The following SEPTIN5 variants were observed in gnomAD, a reference collection of about 807,000 sequenced individuals.
SEPTIN5 encodes the protein septin-5.
SEPTIN5 carries 16 observed loss-of-function variants against 51.2 expected under a neutral mutation model. That is an observed-to-expected ratio of 0.31 (90% CI 0.21 to 0.47). The LOEUF (loss-of-function observed/expected upper bound fraction) is 0.47, where lower values mean the gene tolerates loss of function less well. Among genes scored for constraint, SEPTIN5 ranks in the 20% least tolerant of loss-of-function variants. The pLI is 0.99. For synonymous variants in SEPTIN5, 208 were observed against 191.2 expected (o/e 1.09, Z -0.72); for missense variants, 376 against 500.3 (o/e 0.75, Z 2.37).
chr22:19,720,266 T>C (rs541712911), intron 5 of SEPTIN5, 28 bp downstream of exon 5: 12 of 1,613,476 alleles, frequency 7.4e-6, no homozygotes, highest in South Asian at 2.2e-5. Context: ...AGAAAGGCCT[T>C]GCCTAGGCGG....
Position 19,722,554 on chromosome 22 carries a change from C to T in SEPTIN5, c.*70C>T, listed in dbSNP as rs998502722. 1.5e-5 allele frequency: 22 copies of T among 1,508,440 alleles called. No individual in the cohort carries two copies. The highest frequency in any genetic ancestry group is 1.9e-5 in the Non-Finnish European group (21 of 1,111,088). The allele number at this position is 1,508,440 out of a possible 1,614,324, so 93.4% of individuals were successfully genotyped here. A position where few individuals can be genotyped will look rare whatever the true frequency, so the allele number is the denominator to read the frequency against. On this transcript the variant is annotated 3_prime_UTR_variant, in exon 12 of 12. Coordinates refer to ENST00000455784, the MANE Select transcript of SEPTIN5 (RefSeq NM_002688.6). ...CCCTGGACACCAGACCGGACTGTTC[C>T]CGACCCGGAGACGCGGGGCCACAGC...
Position 19,720,881 on chromosome 22 carries a change from G to A in SEPTIN5, c.717+12G>A, listed in dbSNP as rs781517511. The stretch of plus-strand genomic sequence containing the variant: ...ACCGGGAACTGAAGGTGAACATGCA[G>A]ACTGGTGGGGCAGGGGGGATGGAGC... On this transcript the variant is annotated intron_variant, in intron 8 of 11. Coordinates refer to ENST00000455784, the MANE Select transcript of SEPTIN5 (RefSeq NM_002688.6). The A allele has an allele frequency of 1.2e-6, 2 of 1,609,128 alleles. No individual in the cohort carries two copies. Among genetic ancestry groups the A allele is most frequent in the Non-Finnish European group, 1.7e-6 (2 of 1,175,902 alleles).
In SEPTIN5 at chr22:19,720,680, C is replaced by G. The variant is rs758667080; in HGVS notation, c.615+14C>G. 1.2e-6 allele frequency: 2 copies of G among 1,612,828 alleles called. No individual in the cohort carries two copies. The highest frequency in any genetic ancestry group is 2.2e-5 in the East Asian group (1 of 44,880). ...CTGAAGGAGCGGGTGAGCCTGCCGT[C>G]GCACAGGGGCCTGGCCAGGGCCCTG... On this transcript the variant is annotated intron_variant, in intron 7 of 11. Transcript: ENST00000455784.
At position 19,722,928 on chromosome 22, in the gene SEPTIN5, C is replaced by G. The variant is rs1280266321; in HGVS notation, c.*444C>G. On this transcript the variant is annotated 3_prime_UTR_variant, in exon 12 of 12. Transcript: ENST00000455784. ...CCAGCGAGTGCTGAGACCCCATTTTCTGTCGAGGCGGGCCGAGTCTTCCCT... is the reference window on the plus strand; with the variant it reads ...CCAGCGAGTGCTGAGACCCCATTTTGTGTCGAGGCGGGCCGAGTCTTCCCT... 3 of 444,012 alleles carry G rather than the reference C, an allele frequency of 6.8e-6. No individual in the cohort carries two copies. Among genetic ancestry groups the G allele is most frequent in the Non-Finnish European group, 8.5e-6 (2 of 236,048 alleles). The allele number at this position is 444,012 out of a possible 1,614,324, so 27.5% of individuals were successfully genotyped here. A position where few individuals can be genotyped will look rare whatever the true frequency, so the allele number is the denominator to read the frequency against.
chr22:19,714,676 CG>C lies in SEPTIN5; in HGVS notation c.43+46del. 1 of 1,504,908 alleles carries C rather than the reference CG, an allele frequency of 6.6e-7. No individual in the cohort carries two copies. Among genetic ancestry groups the C allele is most frequent in the East Asian group, 2.6e-5 (1 of 39,088 alleles). 93.2% of individuals were successfully genotyped at this position (1,504,908 alleles called of 1,614,324 possible). On this transcript the variant is annotated intron_variant, in intron 1 of 11. Transcript: ENST00000455784. The surrounding 1 kb of genome is among the most constrained non-coding windows in gnomAD (Gnocchi z 5.2). ...GCGTGCCCGCGCGCGCCTTTGTCCC[CG>C]CCGCCCGCGCGCCTCTCACCGTGTC...
intron 2 of SEPTIN5, chr22:19,719,345 C>T (rs1470880114): frequency 9.1e-6 from 4 of 441,512 alleles, no homozygotes; most frequent in African/African-American, 4.0e-5. Flanking sequence ...CATCTCCCCA[C>T]GGAATAAATA....
intron 8 of SEPTIN5, 122 bp from the exon 9 acceptor site, chr22:19,721,518 T>G: frequency 9.2e-7 from 1 of 1,090,944 alleles, no homozygotes; most frequent in Non-Finnish European, 1.3e-6. Flanking sequence ...CCAGGATCTC[T>G]TTGAGGAGAG....
rs1248135659 is a variant in SEPTIN5 at position 19,720,623 on chromosome 22, C to G, written c.572C>G (p.Ala191Gly). 1 of 1,612,890 alleles carries G rather than the reference C, an allele frequency of 6.2e-7. No individual in the cohort carries two copies. Among genetic ancestry groups the G allele is most frequent in the East Asian group, 2.2e-5 (1 of 44,902 alleles). Residue 191 changes from alanine to glycine, a missense_variant, in exon 7 of 12, where the codon GCT (alanine) becomes GGT (glycine). Physicochemically the swap from Ala to Gly is moderately conservative, Grantham distance 60. Coordinates refer to ENST00000455784, the MANE Select transcript of SEPTIN5 (RefSeq NM_002688.6). Reference protein sequence around the residue: ...KVNIVPLIAKADCLVPSEIRK... With the variant: ...KVNIVPLIAKGDCLVPSEIRK... ...AACATCGTGCCTCTCATCGCCAAAG[C>G]TGACTGTCTTGTCCCCAGTGAGATC...
In SEPTIN5 at chr22:19,714,784, A is replaced by G; in HGVS notation, c.47A>G (p.Asp16Gly). The change falls in exon 2 of 12, where the codon GAC becomes GGC. Residue 16 changes from aspartate to glycine, a missense_variant. By Grantham distance (94) the Asp-to-Gly change is moderately conservative. Around this residue, in one of 2 missense-constraint regions of SEPTIN5, gnomAD observed 287 missense variants for 417.1 expected, o/e 0.69. Coordinates refer to ENST00000455784, the MANE Select transcript of SEPTIN5 (RefSeq NM_002688.6). This position sits in a 1 kb window ranked among gnomAD's most constrained non-coding sequence, Gnocchi z 5.2. ...RYKSKLATPE[D>G]KQDIDKQYVG... is the part of the protein sequence containing the mutation. ...GACCCCGACCCCGACCCCGCAGAGG[A>G]CAAGCAGGTACGTGCGCAGCGCCGC... 2 of 1,569,238 alleles carry G rather than the reference A, an allele frequency of 1.3e-6. No individual in the cohort carries two copies. The highest frequency in any genetic ancestry group is 1.7e-6 in the Non-Finnish European group (2 of 1,164,410).
chr22:19,721,979 C>A (rs964251114), intron 10 of SEPTIN5, 22 bp downstream of exon 10: 2 of 1,592,602 alleles, frequency 1.3e-6, no homozygotes, highest in African/African-American at 2.7e-5. Flanking sequence ...AGCCGCGAGC[C>A]AGACCTCGCC....
rs545067481 is a variant in SEPTIN5 at position 19,722,865 on chromosome 22, G to T, written c.*381G>T. On this transcript the variant is annotated 3_prime_UTR_variant, in exon 12 of 12. Transcript: ENST00000455784. ...TTCCCTGCCCCAGTGCTGCAGAACGGACTTGGGAGCCCTCCTTTGCCTGCT... is the reference window on the plus strand; with the variant it reads ...TTCCCTGCCCCAGTGCTGCAGAACGTACTTGGGAGCCCTCCTTTGCCTGCT... 2.4e-5 allele frequency: 11 copies of T among 456,940 alleles called. No homozygotes were observed. The East Asian group carries it at 4.3e-4, about 18-fold the overall frequency. 28.3% of individuals were successfully genotyped at this position (456,940 alleles called of 1,614,324 possible). A position where few individuals can be genotyped will look rare whatever the true frequency, so the allele number is the denominator to read the frequency against.
chr22:19,722,214 A>G, intron 10 of SEPTIN5, 23 bp from the exon 11 acceptor site: 1 of 903,764 alleles, frequency 1.1e-6, no homozygotes, highest in African/African-American at 1.7e-5. Context: ...CGCCCCGCCC[A>G]TCCTCCCCCC....
chr22:19,720,014 G>T (rs1021031028), intron 4 of SEPTIN5, 101 bp from the exon 5 acceptor site: 2 of 1,602,844 alleles, frequency 1.2e-6, no homozygotes, highest in African/African-American at 2.7e-5. Flanking sequence ...TCCCCTGGGG[G>T]TAGGGCCAAG....
At chr22:19,721,209 G>T (rs1408482751) in intron 8 of SEPTIN5, among the ~76,000 whole-genome samples, 3 of 152,214 alleles carry the variant, frequency 2.0e-5, no homozygotes, top group African/African-American at 7.2e-5. Flanking sequence ...CTGCCCCAGT[G>T]GCACACCCTG....
Position 19,722,702 on chromosome 22 carries a change from G to A in SEPTIN5, c.*218G>A. The A allele has an allele frequency of 1.7e-6, 1 of 594,944 alleles. No homozygotes were observed. Among genetic ancestry groups the A allele is most frequent in the South Asian group, 2.0e-5 (1 of 49,778 alleles). The allele number at this position is 594,944 out of a possible 1,614,324, so 36.9% of individuals were successfully genotyped here. ...TCTCTGACCTTGGGGGATCAGGAGC[G>A]AAGTTGGGCGGGACTTCAGAGATCC... On this transcript the variant is annotated 3_prime_UTR_variant, in exon 12 of 12. Transcript: ENST00000455784.
Position 19,722,203 on chromosome 22 carries a change from C to G in SEPTIN5, c.951-34C>G, listed in dbSNP as rs761663714. On this transcript the variant is annotated intron_variant, in intron 10 of 11. Transcript: ENST00000455784. Reference sequence around the variant, plus strand: ...GCCCACGCTGAGCCTCCCGGTGGCGCCGCCCCGCCCATCCTCCCCCCCGCC... The same window carrying G: ...GCCCACGCTGAGCCTCCCGGTGGCGGCGCCCCGCCCATCCTCCCCCCCGCC... 52 of 1,403,926 alleles carry G rather than the reference C, an allele frequency of 3.7e-5. No individual in the cohort carries two copies. In the African/African-American group the frequency reaches 5.9e-4, roughly 16 times the overall value. The allele number at this position is 1,403,926 out of a possible 1,614,324, so 87.0% of individuals were successfully genotyped here. A position where few individuals can be genotyped will look rare whatever the true frequency, so the allele number is the denominator to read the frequency against.
At chr22:19,718,506 G>C (rs1935952673) in intron 2 of SEPTIN5, 1 of 1,254,966 alleles carries the variant, frequency 8.0e-7, no homozygotes, top group Non-Finnish European at 1.0e-6. Flanking sequence ...CGCCGCCACA[G>C]CTTGGGGCCA....
chr22:19,718,429 C>T (rs1375411345), intron 2 of SEPTIN5: 2 of 1,074,808 alleles, frequency 1.9e-6, no homozygotes, highest in Non-Finnish European at 2.3e-6. Context: ...CCGCCGCGCG[C>T]TCCGCGGGCG....
intron 2 of SEPTIN5, chr22:19,718,709 G>A: frequency 8.0e-7 from 1 of 1,256,830 alleles, no homozygotes; most frequent in Non-Finnish European, 1.0e-6. Context: ...GGGTCCGAGC[G>A]TGCCCCCGGG....
Sources: allele counts gnomAD v4.1 joint callset (sites outside exome capture counted in the v4.1 genomes callset), GRCh38; gene constraint gnomAD v4.1.1; regional missense constraint gnomAD v4.1.1; non-coding constraint Gnocchi (gnomAD v3.1); transcripts MANE v1.5; gene names NCBI Gene and HGNC (gene_info 2026-07-23, HGNC 2026-07-21).